ROBO1: variants seen among roughly 807,000 people sequenced by gnomAD.
The protein encoded by ROBO1 is roundabout guidance receptor 1, also known as roundabout homolog 1.
In ROBO1, 149 loss-of-function variants were observed where a neutral mutation model predicts 195.9. The ratio of observed to expected loss-of-function variants is 0.76; its 90% CI spans 0.67 to 0.87. The LOEUF is 0.87. ROBO1 is among the 40% of genes least tolerant of loss of function. The pLI is 0.00. For missense variants in ROBO1, 1,933 were observed against 2,068.3 expected (o/e 0.93, Z 1.27); for synonymous variants, 816 against 733.2 (o/e 1.11, Z -1.82).
chr3:79,589,973 A>T lies in ROBO1; in HGVS notation c.-50-12T>A, dbSNP rs1344696735. ...AGACAATGTGTTATCTGGGGAGATT[A>T]AAAAAATATTATTTTGTAATGGTTA... On this transcript the variant is annotated splice_polypyrimidine_tract_variant and intron_variant, in intron 1 of 30. Coordinates refer to ENST00000464233, the MANE Select transcript of ROBO1 (RefSeq NM_002941.4). 8.7e-7 allele frequency: 1 copy of T among 1,147,488 alleles called. No homozygotes were observed. The highest frequency in any genetic ancestry group is 1.5e-5 in the African/African-American group (1 of 64,894). 71.1% of individuals were successfully genotyped at this position (1,147,488 alleles called of 1,614,324 possible).
At chr3:79,657,817 T>C (rs1216700652) in intron 1 of ROBO1, among the ~76,000 whole-genome samples, 1 of 152,102 alleles carries the variant, frequency 6.6e-6, no homozygotes, top group Non-Finnish European at 1.5e-5. Flanking sequence ...TTTGGTGTTT[T>C]GCTGCTTGAA....
At chr3:78,768,697 T>C (rs944895848) in intron 4 of ROBO1, among the ~76,000 whole-genome samples, 1 of 152,000 alleles carries the variant, frequency 6.6e-6, no homozygotes, top group East Asian at 1.9e-4. Context: ...CATGTGCACA[T>C]TGTGCAGGTT....
At chr3:79,116,844 T>C (rs967275072) in intron 3 of ROBO1, among the ~76,000 whole-genome samples, 1 of 152,164 alleles carries the variant, frequency 6.6e-6, no homozygotes, top group African/African-American at 2.4e-5. Context: ...AGATTACTTA[T>C]ATTACTACTA....
intron 3 of ROBO1, among the ~76,000 whole-genome samples, chr3:79,112,532 GT>G (rs1475279519): frequency 6.6e-6 from 1 of 152,112 alleles, no homozygotes; most frequent in Non-Finnish European, 1.5e-5. Flanking sequence ...TTTTGCTGTG[GT>G]TTAGAGATTA....
intron 2 of ROBO1, among the ~76,000 whole-genome samples, chr3:79,164,376 G>A (rs1057037547): frequency 2.0e-5 from 3 of 152,150 alleles, no homozygotes; most frequent in Middle Eastern, 3.2e-3. Flanking sequence ...GACTTTTACA[G>A]CAGAGATTCA....
In ROBO1 at chr3:78,688,799, G is replaced by T. The variant is rs551370602; in HGVS notation, c.1046-27C>A. On this transcript the variant is annotated intron_variant, in intron 8 of 30. Transcript: ENST00000464233. ...TGAAGGAGGTGAAACAAATTACACC[G>T]AATTAAAAGCACGTTGTTATTGTCC... 4.4e-6 allele frequency: 7 copies of T among 1,592,120 alleles called. No homozygotes were observed. The East Asian group carries it at 1.1e-4, about 26-fold the overall frequency.
intron 2 of ROBO1, among the ~76,000 whole-genome samples, chr3:79,292,320 A>G (rs2032300737): frequency 6.6e-6 from 1 of 152,244 alleles, no homozygotes; most frequent in South Asian, 2.1e-4. Flanking sequence ...TGTCATCTGC[A>G]AACAGAGACA....
intron 1 of ROBO1, among the ~76,000 whole-genome samples, chr3:79,688,225 G>C (rs556867462): frequency 1.3e-4 from 15 of 119,572 alleles, no homozygotes; most frequent in East Asian, 2.9e-4. Context: ...GTTGTGGGGT[G>C]GGGGGAGGGG....
chr3:79,123,359 A>T (rs2080156015), intron 3 of ROBO1, among the ~76,000 whole-genome samples: 1 of 152,072 alleles, frequency 6.6e-6, no homozygotes, highest in South Asian at 2.1e-4. Flanking sequence ...AAAAGAAAAC[A>T]ATATCTGTAG....
intron 2 of ROBO1, among the ~76,000 whole-genome samples, chr3:79,165,695 T>C (rs2081051331): frequency 6.6e-6 from 1 of 152,204 alleles, no homozygotes; most frequent in African/African-American, 2.4e-5. Flanking sequence ...TGGGTATCTA[T>C]AATGGCACGA....
chr3:79,690,190 A>G (rs752294989), intron 1 of ROBO1, among the ~76,000 whole-genome samples: 3 of 152,074 alleles, frequency 2.0e-5, no homozygotes, highest in Non-Finnish European at 2.9e-5. Flanking sequence ...TTGTAAATAT[A>G]CTACCTCATA....
chr3:79,700,101 C>T (rs1947569498), intron 1 of ROBO1, among the ~76,000 whole-genome samples: 1 of 151,736 alleles, frequency 6.6e-6, no homozygotes, highest in African/African-American at 2.4e-5. Context: ...ATTTCCTGTT[C>T]CTATGTTAAT....
intron 1 of ROBO1, among the ~76,000 whole-genome samples, chr3:79,660,880 C>T (rs1468314976): frequency 6.6e-6 from 1 of 151,946 alleles, no homozygotes; most frequent in African/African-American, 2.4e-5. Context: ...AAGGTCCTGG[C>T]TAAATATGAA....
At chr3:79,305,936 G>T (rs114301319) in intron 2 of ROBO1, among the ~76,000 whole-genome samples, 3,775 of 152,154 alleles carry the variant, frequency 0.025, 81 homozygotes, top group Middle Eastern at 0.037. Context: ...AAAAACTATA[G>T]GATAGCCATG....
intron 3 of ROBO1, among the ~76,000 whole-genome samples, chr3:79,067,053 C>A (rs1335860054): frequency 6.6e-6 from 1 of 151,844 alleles, no homozygotes; most frequent in Non-Finnish European, 1.5e-5. Flanking sequence ...GTTTTTCTTG[C>A]TGTGAATTAC....
At chr3:79,554,377 G>A (rs1942627443) in intron 2 of ROBO1, among the ~76,000 whole-genome samples, 1 of 151,900 alleles carries the variant, frequency 6.6e-6, no homozygotes, top group African/African-American at 2.4e-5. Context: ...CAAATAAAAT[G>A]TTTTAGAACC....
At position 79,258,018 on chromosome 3, in the gene ROBO1, T is replaced by C. The variant is rs532693238; in HGVS notation, c.89-132479A>G. Among the ~76,000 whole-genome samples the C allele has an allele frequency of 8.5e-5, 13 of 152,210 alleles. No individual in the cohort carries two copies. In the East Asian group the frequency reaches 2.5e-3, roughly 29 times the overall value. On this transcript the variant is annotated intron_variant, in intron 2 of 30. Transcript: ENST00000464233. Reference sequence around the variant, plus strand: ...TAGATGGTTTTCAGCCTTTGGGATGTGTCCCATTCCAACTAAACTGTCTCT... The same window carrying C: ...TAGATGGTTTTCAGCCTTTGGGATGCGTCCCATTCCAACTAAACTGTCTCT...
rs367917633 is a variant in ROBO1 at position 79,644,013 on chromosome 3, G to T, written c.-50-54052C>A. On this transcript the variant is annotated intron_variant, in intron 1 of 30. Transcript: ENST00000464233. Reference sequence around the variant, plus strand: ...ACTTATAGACTGAAAGTGAAGAGATGGAAAAAATATTTGATGCAACTGGGA... The same window carrying T: ...ACTTATAGACTGAAAGTGAAGAGATTGAAAAAATATTTGATGCAACTGGGA... Among the ~76,000 whole-genome samples, 18 of 152,028 alleles carry T rather than the reference G, an allele frequency of 1.2e-4. 1 individual carries two copies. Among genetic ancestry groups the T allele is most frequent in the African/African-American group, 4.3e-4 (18 of 41,498 alleles).
intron 3 of ROBO1, among the ~76,000 whole-genome samples, chr3:78,980,780 C>G (rs374559812): frequency 6.6e-6 from 1 of 152,070 alleles, no homozygotes; most frequent in African/African-American, 2.4e-5. Context: ...CAAAACACTT[C>G]AGTCCATGGA....
Sources: gnomAD v4.1 joint callset for allele counts (sites outside exome capture counted in the v4.1 genomes callset) on GRCh38, gnomAD v4.1.1 for gene constraint, MANE v1.5 for transcripts, NCBI Gene and HGNC (gene_info 2026-07-23, HGNC 2026-07-21) for gene names.